Variants in SATB1 observed in about 807,000 individuals in gnomAD.
SATB1 encodes the protein SATB homeobox 1, also known as DNA-binding protein SATB1.
Under a neutral mutation model 86.9 loss-of-function variants are expected in SATB1, and 11 were observed. That is an observed-to-expected ratio of 0.13 (90% CI 0.08 to 0.21). The LOEUF (loss-of-function observed/expected upper bound fraction) is 0.21. Among genes scored for constraint, SATB1 ranks in the 10% least tolerant of loss-of-function variants. The pLI, the probability that SATB1 is intolerant of heterozygous loss-of-function variation, is 1.00. For synonymous variants in SATB1, 357 were observed against 357.2 expected, an observed-to-expected ratio of 1.00 and a Z score of 0.01; for missense variants, 551 against 937.6, an observed-to-expected ratio of 0.59 and a Z score of 5.39.
chr3:18,437,943 C>T (rs1039765209), intron 1 of SATB1, among the ~76,000 whole-genome samples: 5 of 152,072 alleles, frequency 3.3e-5, no homozygotes, highest in African/African-American at 1.2e-4. Context: ...ATCACATAGC[C>T]TTGTTGTTAA....
At chr3:18,389,999 A>AT (rs1248062775) in intron 7 of SATB1, among the ~76,000 whole-genome samples, 1 of 152,184 alleles carries the variant, frequency 6.6e-6, no homozygotes, top group Non-Finnish European at 1.5e-5. Context: ...CTAAAGAATG[A>AT]ATTTACTGCT....
chr3:18,434,691 A>G (rs563669298), intron 2 of SATB1, among the ~76,000 whole-genome samples: 13 of 152,196 alleles, frequency 8.5e-5, no homozygotes, highest in African/African-American at 3.1e-4. Flanking sequence ...CAGGTTCCGT[A>G]TCTATAAAAT....
At chr3:18,390,993 AT>A (rs1696633052) in intron 7 of SATB1, among the ~76,000 whole-genome samples, 2 of 152,200 alleles carry the variant, frequency 1.3e-5, no homozygotes, top group Non-Finnish European at 2.9e-5. Flanking sequence ...AATGAATGAC[AT>A]ATGCTAAAAG....
At chr3:18,350,019 A>G (rs1436020278) in intron 10 of SATB1, 2 of 276,548 alleles carry the variant, frequency 7.2e-6, no homozygotes, top group Non-Finnish European at 1.3e-5. Flanking sequence ...AGCACATCAA[A>G]TTATGATGTA....
intron 2 of SATB1, among the ~76,000 whole-genome samples, chr3:18,418,597 A>G (rs952063979): frequency 6.6e-6 from 1 of 152,206 alleles, no homozygotes. Flanking sequence ...TGGGGAGACC[A>G]CAGCAAAAAT....
rs1379463663 is a variant in SATB1, at chr3:18,386,972, C to G, written c.1207-361G>C. ...CTGTATAGTTCCCAAGCTGCCTAGA[C>G]AAAGGCAGTGTAATGCCTACAGCCC... On this transcript the variant is annotated intron_variant, in intron 7 of 10. Coordinates refer to ENST00000338745, the MANE Select transcript of SATB1 (RefSeq NM_002971.6). The surrounding 1 kb of genome is among the most constrained non-coding windows in gnomAD (Gnocchi z 4.5). Among the ~76,000 whole-genome samples, 6 of 152,138 alleles carry G rather than the reference C, an allele frequency of 3.9e-5. No homozygotes were observed. The highest frequency in any genetic ancestry group is 5.9e-5 in the Non-Finnish European group (4 of 68,016).
chr3:18,381,173 G>T (rs1206090262), intron 8 of SATB1, among the ~76,000 whole-genome samples: 3 of 152,084 alleles, frequency 2.0e-5, no homozygotes, highest in Non-Finnish European at 4.4e-5. Context: ...TGTGCCGCAG[G>T]ACACACATTT....
At chr3:18,355,638 T>C (rs927622150) in intron 9 of SATB1, among the ~76,000 whole-genome samples, 1 of 151,900 alleles carries the variant, frequency 6.6e-6, no homozygotes, top group African/African-American at 2.4e-5. Context: ...CAGTGCTTTG[T>C]TGCAAAAAGA....
intron 8 of SATB1, among the ~76,000 whole-genome samples, chr3:18,384,826 A>G (rs1696245714): frequency 6.6e-6 from 1 of 152,188 alleles, no homozygotes; most frequent in African/African-American, 2.4e-5. Flanking sequence ...ATCAAATTCA[A>G]TAACTTTGTG....
chr3:18,355,131 T>C (rs1355469580), intron 9 of SATB1, among the ~76,000 whole-genome samples: 3 of 151,958 alleles, frequency 2.0e-5, no homozygotes, highest in African/African-American at 7.2e-5. Flanking sequence ...CTGGGAACTG[T>C]TTGCTCTAAA....
intron 5 of SATB1, among the ~76,000 whole-genome samples, chr3:18,405,461 C>T (rs1453506348): frequency 6.6e-6 from 1 of 151,984 alleles, no homozygotes; most frequent in Non-Finnish European, 1.5e-5. Context: ...AAAACAAGAA[C>T]TAAAGTACTT....
At chr3:18,355,513 A>G (rs1170414324) in intron 9 of SATB1, among the ~76,000 whole-genome samples, 2 of 152,054 alleles carry the variant, frequency 1.3e-5, no homozygotes, top group Non-Finnish European at 2.9e-5. Flanking sequence ...GAAAATGAAT[A>G]TGTCACAATA....
intron 9 of SATB1, among the ~76,000 whole-genome samples, chr3:18,368,823 G>T (rs1326481412): frequency 1.3e-5 from 2 of 152,118 alleles, no homozygotes; most frequent in African/African-American, 2.4e-5. Context: ...GTTCCAGGAC[G>T]TATGATTCAA....
At chr3:18,416,618 C>T (rs1010159031) in intron 3 of SATB1, among the ~76,000 whole-genome samples, 9 of 152,106 alleles carry the variant, frequency 5.9e-5, no homozygotes, top group Non-Finnish European at 1.0e-4. Flanking sequence ...ACGCTCCTCA[C>T]TTCCTTGTGG....
At chr3:18,378,433 G>T in intron 8 of SATB1, 108 bp from the exon 9 acceptor site, 4 of 1,023,590 alleles carry the variant, frequency 3.9e-6, no homozygotes, top group Non-Finnish European at 5.9e-6. Flanking sequence ...TATGATCAAG[G>T]TGATCAACAG....
chr3:18,441,254 T>C (rs1233202609), upstream of SATB1, among the ~76,000 whole-genome samples: 5 of 152,140 alleles, frequency 3.3e-5, no homozygotes, highest in Admixed American at 3.3e-4. Flanking sequence ...TGACAGTATA[T>C]AGCAACTAAT....
upstream of SATB1, chr3:18,438,906 T>C (rs1405439028): frequency 2.0e-5 from 3 of 152,256 alleles, no homozygotes; most frequent in Non-Finnish European, 4.4e-5. Context: ...CAGCCTGACA[T>C]CTGCTTCTTC....
chr3:18,374,064 C>T (rs1695609578), intron 9 of SATB1, among the ~76,000 whole-genome samples: 3 of 152,196 alleles, frequency 2.0e-5, no homozygotes, highest in Admixed American at 1.3e-4. Context: ...CTGTGAAAGC[C>T]CTTTACTGTC....
Position 18,421,360 on chromosome 3 carries a change from T to G in SATB1, c.-24-369A>C, listed in dbSNP as rs376499781. On this transcript the variant is annotated intron_variant, in intron 1 of 10. Transcript: ENST00000338745. The stretch of plus-strand genomic sequence containing the variant: ...CAATTTTTAACAATTAGAAACACAT[T>G]ACAAAATACAGCAGAAACACTTTAA... 1.0e-4 allele frequency: 18 copies of G among 177,212 alleles called. No homozygotes were observed. The East Asian group carries it at 2.1e-3, about 20-fold the overall frequency. The allele number at this position is 177,212 out of a possible 1,614,324, so 11.0% of individuals were successfully genotyped here.
Sources: gnomAD v4.1 joint callset for allele counts (sites outside exome capture counted in the v4.1 genomes callset) on GRCh38, gnomAD v4.1.1 for gene constraint, Gnocchi (gnomAD v3.1) non-coding constraint, MANE v1.5 for transcripts, NCBI Gene and HGNC (gene_info 2026-07-23, HGNC 2026-07-21) for gene names.